Variants in TRIP12 observed in about 807,000 individuals in gnomAD.
TRIP12 encodes E3 ubiquitin-protein ligase TRIP12.
Under a neutral mutation model 244.2 loss-of-function variants are expected in TRIP12, and 25 were observed. That is an observed-to-expected ratio of 0.10 (90% confidence interval 0.07 to 0.14). The LOEUF (loss-of-function observed/expected upper bound fraction) is 0.14. TRIP12 is among the 10% of genes least tolerant of loss of function. The pLI is 1.00. For missense variants in TRIP12, 1,677 were observed against 2,486.4 expected (o/e 0.67, Z 6.92); for synonymous variants, 905 against 873.1 (o/e 1.04, Z -0.64).
intron 8 of TRIP12, among the ~76,000 whole-genome samples, chr2:229,827,791 C>T (rs1341026703): frequency 2.0e-5 from 3 of 152,186 alleles, no homozygotes; most frequent in Non-Finnish European, 4.4e-5. Flanking sequence ...AACAAAAATT[C>T]GTAAAGTTTC....
chr2:229,875,935 A>C (rs1180868474), intron 2 of TRIP12, among the ~76,000 whole-genome samples: 1 of 152,180 alleles, frequency 6.6e-6, no homozygotes, highest in Non-Finnish European at 1.5e-5. Context: ...AAGGTTTCTG[A>C]GAGTTTAGAT....
intron 15 of TRIP12, among the ~76,000 whole-genome samples, chr2:229,809,643 G>A (rs1393790146): frequency 2.6e-5 from 4 of 152,210 alleles, no homozygotes; most frequent in Admixed American, 1.3e-4. Context: ...AATGAATTGC[G>A]GATACTCAAG....
chr2:229,872,570 A>C (rs1046876362), intron 2 of TRIP12, among the ~76,000 whole-genome samples: 4 of 152,324 alleles, frequency 2.6e-5, no homozygotes, highest in Non-Finnish European at 4.4e-5. Flanking sequence ...TCTCCAAAAA[A>C]AATAAAGAAA....
rs1324480215 is a variant in TRIP12 at position 229,764,758 on chromosome 2, A to T, written c.*2796T>A. On this transcript the variant is annotated 3_prime_UTR_variant, in exon 42 of 42. Coordinates refer to ENST00000675903, the MANE Select transcript of TRIP12 (RefSeq NM_001348323.3). ...GGATGCCCTAGGGAAGTCACTCCACAATACGGAGTGGTCACATTCATTTGA... is the reference window on the plus strand; with the variant it reads ...GGATGCCCTAGGGAAGTCACTCCACTATACGGAGTGGTCACATTCATTTGA... The T allele has an allele frequency of 6.6e-6, 1 of 152,208 alleles. No homozygotes were observed. Among genetic ancestry groups the T allele is most frequent in the Admixed American group, 6.5e-5 (1 of 15,280 alleles). 9.4% of individuals were successfully genotyped at this position (152,208 alleles called of 1,614,324 possible). A position where few individuals can be genotyped will look rare whatever the true frequency, so the allele number is the denominator to read the frequency against.
chr2:229,905,012 T>A (rs2072278514), intron 1 of TRIP12, among the ~76,000 whole-genome samples: 1 of 152,224 alleles, frequency 6.6e-6, no homozygotes, highest in South Asian at 2.1e-4. Context: ...CGCTGGCTGA[T>A]GCCTGTAATC....
chr2:229,799,903 T>G (rs1433490795), intron 21 of TRIP12, among the ~76,000 whole-genome samples: 1 of 152,204 alleles, frequency 6.6e-6, no homozygotes, highest in Non-Finnish European at 1.5e-5. Flanking sequence ...AACTAGCTGT[T>G]TAACTATACT....
At chr2:229,878,003 T>C (rs1453452645) in intron 2 of TRIP12, among the ~76,000 whole-genome samples, 1 of 152,232 alleles carries the variant, frequency 6.6e-6, no homozygotes, top group Non-Finnish European at 1.5e-5. Flanking sequence ...CAGAGCTCTA[T>C]ATACTAAGTA....
intron 1 of TRIP12, among the ~76,000 whole-genome samples, chr2:229,881,501 G>T (rs1364486355): frequency 1.6e-4 from 25 of 152,116 alleles, no homozygotes; most frequent in Admixed American, 1.6e-3. Flanking sequence ...TTTTGTTTTA[G>T]AGATTCCTTA....
At chr2:229,849,438 G>A (rs112651623) in intron 4 of TRIP12, among the ~76,000 whole-genome samples, 24 of 152,006 alleles carry the variant, frequency 1.6e-4, no homozygotes, top group African/African-American at 5.3e-4. Flanking sequence ...ACACAACAGG[G>A]ATCAAACACT....
In TRIP12 at chr2:229,903,018, CT is replaced by C. The variant is rs57794819; in HGVS notation, c.-50+18861del. Reference sequence around the variant, plus strand: ...GGTTTTTTTTTCTTTTTCTTTTTTTCTTTTTTTTTTTTTTTTTTGCCAGAAG... The same window carrying C: ...GGTTTTTTTTTCTTTTTCTTTTTTTCTTTTTTTTTTTTTTTTTGCCAGAAG... On this transcript the variant is annotated intron_variant, in intron 1 of 41. Transcript: ENST00000675903. 3.2e-3 allele frequency among the ~76,000 whole-genome samples: 338 copies of C among 104,880 alleles called. 25 individuals are homozygous for C. Among genetic ancestry groups the C allele is most frequent in the African/African-American group, 8.9e-3 (282 of 31,604 alleles). 68.8% of individuals were successfully genotyped at this position (104,880 alleles called of 152,430 possible). A position where few individuals can be genotyped will look rare whatever the true frequency, so the allele number is the denominator to read the frequency against.
chr2:229,894,558 A>T (rs1160493972), intron 1 of TRIP12: 1 of 152,190 alleles, frequency 6.6e-6, no homozygotes, highest in Non-Finnish European at 1.5e-5. Context: ...GACTGCTGGG[A>T]AAGTTGCCTT....
At position 229,770,475 on chromosome 2, in the gene TRIP12, CA is replaced by C. The variant is rs201995533; in HGVS notation, c.5808+1043del. Among the ~76,000 whole-genome samples the C allele has an allele frequency of 6.9e-3, 1,047 of 152,262 alleles. 9 individuals carry two copies. The highest frequency in any genetic ancestry group is 0.024 in the African/African-American group (987 of 41,550). On this transcript the variant is annotated intron_variant, in intron 39 of 41. Coordinates refer to ENST00000675903, the MANE Select transcript of TRIP12 (RefSeq NM_001348323.3). ...ACTGAGATTAAGACGTTAAGTTAAT[CA>C]AAAATTTATAGATTTAATCAGTAGT...
At chr2:229,807,260 G>A (rs2046113909) in intron 17 of TRIP12, 1 of 185,904 alleles carries the variant, frequency 5.4e-6, no homozygotes, top group Non-Finnish European at 1.1e-5. Context: ...AAGCCTACGT[G>A]TATCACAATT....
At chr2:229,825,026 GA>G (rs1309760983) in intron 8 of TRIP12, among the ~76,000 whole-genome samples, 1 of 152,154 alleles carries the variant, frequency 6.6e-6, no homozygotes, top group African/African-American at 2.4e-5. Context: ...CAAAGAGATG[GA>G]TTTCAAATGA....
chr2:229,774,809 T>C (rs754716603), intron 37 of TRIP12, among the ~76,000 whole-genome samples: 2 of 150,974 alleles, frequency 1.3e-5, no homozygotes, highest in Non-Finnish European at 2.9e-5. Flanking sequence ...AGTTTGTATC[T>C]ATGCAGCAAC....
intron 4 of TRIP12, among the ~76,000 whole-genome samples, chr2:229,844,341 T>G (rs1334700799): frequency 6.6e-6 from 1 of 152,150 alleles, no homozygotes; most frequent in Non-Finnish European, 1.5e-5. Context: ...TTAAAAGGAG[T>G]CACCAAAGGT....
chr2:229,884,095 T>C (rs7570600), intron 1 of TRIP12, among the ~76,000 whole-genome samples: 2,260 of 151,528 alleles, frequency 0.015, 55 homozygotes, highest in African/African-American at 0.05. Flanking sequence ...CAACTAATAG[T>C]GAGTCCATTT....
chr2:229,808,929 ACT>A (rs2046550875), intron 15 of TRIP12, among the ~76,000 whole-genome samples: 1 of 152,114 alleles, frequency 6.6e-6, no homozygotes, highest in Non-Finnish European at 1.5e-5. Context: ...TTTCTGGAGG[ACT>A]CTGCGTGATA....
chr2:229,777,279 A>T (rs201501571), intron 37 of TRIP12, 36 bp downstream of exon 37: 184 of 1,580,282 alleles, frequency 1.2e-4, no homozygotes, highest in Middle Eastern at 3.4e-4. Flanking sequence ...TCTAAAATAA[A>T]GACTTGATCT....
Sources: allele counts gnomAD v4.1 joint callset (sites outside exome capture counted in the v4.1 genomes callset), GRCh38; gene constraint gnomAD v4.1.1; transcripts MANE v1.5; gene names NCBI Gene and HGNC (gene_info 2026-07-23, HGNC 2026-07-21).